The following PLXNA4 variants were observed in gnomAD, a reference collection of about 807,000 sequenced individuals.
PLXNA4 encodes plexin A4, also known as plexin-A4.
A neutral mutation model predicts 191.8 loss-of-function variants in PLXNA4; 44 were observed. The observed-to-expected ratio is 0.23, with a 90% CI of 0.18 to 0.29. The LOEUF (loss-of-function observed/expected upper bound fraction) is 0.29, where lower values mean the gene tolerates loss of function less well. Ranked by LOEUF, PLXNA4 falls within the 10% of genes least tolerant of loss-of-function variation. The probability of loss-of-function intolerance (pLI) is 1.00; values close to 1 mark genes in which losing one functional copy is unlikely to be tolerated. For synonymous variants in PLXNA4, 1,082 were observed against 1,009.5 expected (o/e 1.07, Z -1.36); for missense variants, 1,800 against 2,488.8 (o/e 0.72, Z 5.89).
At chr7:132,390,837 G>T (rs1315148629) in intron 3 of PLXNA4, among the ~76,000 whole-genome samples, 1 of 152,166 alleles carries the variant, frequency 6.6e-6, no homozygotes, top group African/African-American at 2.4e-5. Flanking sequence ...TTGGGCATGA[G>T]CTGGGCTAAG....
At chr7:132,384,876 C>T (rs962601632) in intron 3 of PLXNA4, 16 of 1,186,930 alleles carry the variant, frequency 1.3e-5, no homozygotes, top group South Asian at 3.4e-5. Flanking sequence ...AACTATATTC[C>T]GATGGGAGAA....
chr7:132,379,369 G>C (rs1449560138), intron 3 of PLXNA4, among the ~76,000 whole-genome samples: 2 of 152,172 alleles, frequency 1.3e-5, no homozygotes, highest in Non-Finnish European at 2.9e-5. Context: ...GGGAGAACCA[G>C]GACTAGGTTG....
At chr7:132,311,820 A>G (rs1349108645) in intron 3 of PLXNA4, among the ~76,000 whole-genome samples, 1 of 152,166 alleles carries the variant, frequency 6.6e-6, no homozygotes, top group Non-Finnish European at 1.5e-5. Flanking sequence ...TTACAGTCAG[A>G]AAATCTGTTC....
intron 1 of PLXNA4, among the ~76,000 whole-genome samples, chr7:132,556,392 G>C (rs10954382): frequency 0.46 from 69,580 of 152,092 alleles, 17,968 homozygotes; most frequent in South Asian, 0.65. Context: ...AAAACAGGCT[G>C]TATGGCTATT....
chr7:132,522,831 T>C (rs1301935137), intron 1 of PLXNA4, among the ~76,000 whole-genome samples: 1 of 152,144 alleles, frequency 6.6e-6, no homozygotes, highest in East Asian at 1.9e-4. Flanking sequence ...GGGGATTGTA[T>C]AGCAAAAGTG....
intron 3 of PLXNA4, among the ~76,000 whole-genome samples, chr7:132,394,383 C>G (rs1793661485): frequency 6.6e-6 from 1 of 152,162 alleles, no homozygotes; most frequent in Non-Finnish European, 1.5e-5. Context: ...AGAAGTGAAA[C>G]AAACACTAGA....
At chr7:132,292,996 C>T (rs1800947708) in intron 4 of PLXNA4, among the ~76,000 whole-genome samples, 1 of 152,096 alleles carries the variant, frequency 6.6e-6, no homozygotes, top group Non-Finnish European at 1.5e-5. Flanking sequence ...GGCTCAGGGA[C>T]AGAACAAAGG....
intron 5 of PLXNA4, among the ~76,000 whole-genome samples, chr7:132,240,109 G>A (rs1798827285): frequency 6.6e-6 from 1 of 152,220 alleles, no homozygotes; most frequent in Non-Finnish European, 1.5e-5. Flanking sequence ...ATGTAGTTCA[G>A]GTTCTTAGTA....
At chr7:132,246,814 A>G (rs2117060653) in intron 4 of PLXNA4, among the ~76,000 whole-genome samples, 2 of 152,204 alleles carry the variant, frequency 1.3e-5, no homozygotes, top group Non-Finnish European at 2.9e-5. Context: ...CATCCTCATC[A>G]TCATCCTCAT....
At chr7:132,330,114 A>G (rs1802533794) in intron 3 of PLXNA4, among the ~76,000 whole-genome samples, 1 of 152,186 alleles carries the variant, frequency 6.6e-6, no homozygotes, top group Non-Finnish European at 1.5e-5. Flanking sequence ...ATGAGTGGGC[A>G]TTGTGAAGAC....
chr7:132,169,809 C>T (rs757646819), intron 21 of PLXNA4, among the ~76,000 whole-genome samples: 2 of 151,764 alleles, frequency 1.3e-5, no homozygotes, highest in Non-Finnish European at 2.9e-5. Flanking sequence ...TCGAGCTGCA[C>T]GCTGACAATT....
chr7:132,385,401 A>T (rs1805084812), intron 3 of PLXNA4: 1 of 1,407,808 alleles, frequency 7.1e-7, no homozygotes, highest in Non-Finnish European at 9.3e-7. Context: ...TATGTATTAC[A>T]GTTCTGAAAT....
chr7:132,248,284 C>A (rs1268880902), intron 4 of PLXNA4, among the ~76,000 whole-genome samples: 1 of 152,212 alleles, frequency 6.6e-6, no homozygotes, highest in Non-Finnish European at 1.5e-5. Flanking sequence ...GATGCAGCAG[C>A]TTGAAGCAGA....
At chr7:132,486,849 C>A (rs1301482050) in intron 3 of PLXNA4, among the ~76,000 whole-genome samples, 3 of 152,164 alleles carry the variant, frequency 2.0e-5, no homozygotes, top group Non-Finnish European at 4.4e-5. Flanking sequence ...TGGACTCTGT[C>A]CTTACCTGCC....
At position 132,174,783 on chromosome 7, in the gene PLXNA4, G is replaced by A. The variant is rs780924420; in HGVS notation, c.4012C>T (p.Leu1338Phe). 9.3e-6 allele frequency: 15 copies of A among 1,613,822 alleles called. No individual in the cohort carries two copies. The East Asian group carries it at 2.7e-4, about 29-fold the overall frequency. The change falls in exon 21 of 32, where the codon CTT becomes TTT. Residue 1338 changes from leucine to phenylalanine, a missense_variant. By Grantham distance (22) the Leu-to-Phe change is conservative (BLOSUM62 0). Coordinates refer to ENST00000321063, the MANE Select transcript of PLXNA4 (RefSeq NM_020911.2). ...GIEDHPVLRD[L>F]EVPGYRQERV... ...GATGGAGCACTGCTTCTCACCTCAA[G>A]GTCCCGGAGGACAGGGTGGTCTTCA...
chr7:132,583,614 A>C (rs555584532), intron 2 of PLXNA4, among the ~76,000 whole-genome samples: 2 of 152,336 alleles, frequency 1.3e-5, no homozygotes, highest in South Asian at 2.1e-4. Flanking sequence ...AAAGAGCCGC[A>C]GACAGTTGCC....
chr7:132,328,963 G>C (rs558759176), intron 3 of PLXNA4, among the ~76,000 whole-genome samples: 6 of 152,318 alleles, frequency 3.9e-5, no homozygotes, highest in South Asian at 2.1e-4. Flanking sequence ...GGGAAGCTGG[G>C]TTTGCTTGAT....
chr7:132,207,627 C>G (rs902053447), intron 10 of PLXNA4, among the ~76,000 whole-genome samples: 3 of 152,238 alleles, frequency 2.0e-5, no homozygotes, highest in Admixed American at 6.5e-5. Flanking sequence ...ACCACCCCAA[C>G]CCAGTGTCAC....
intron 2 of PLXNA4, among the ~76,000 whole-genome samples, chr7:132,589,331 T>G (rs766999960): frequency 6.6e-6 from 1 of 152,204 alleles, no homozygotes; most frequent in Non-Finnish European, 1.5e-5. Context: ...AACACTATAT[T>G]AAATTATAAC....
Sources: allele counts gnomAD v4.1 joint callset (sites outside exome capture counted in the v4.1 genomes callset), GRCh38; gene constraint gnomAD v4.1.1; transcripts MANE v1.5; gene names NCBI Gene and HGNC (gene_info 2026-07-23, HGNC 2026-07-21).